Variants in XRCC5 observed in about 807,000 individuals in gnomAD.
The protein encoded by XRCC5 is X-ray repair cross complementing 5.
In XRCC5, 12 loss-of-function variants were observed where a neutral mutation model predicts 95.7. The observed-to-expected ratio is 0.13, with a 90% CI of 0.08 to 0.20. The LOEUF is 0.20. XRCC5 is among the 10% of genes least tolerant of loss of function. XRCC5 has a pLI of 1.00. For synonymous variants in XRCC5, 281 were observed against 290.3 expected (o/e 0.97, Z 0.33); for missense variants, 595 against 873.9 (o/e 0.68, Z 4.02).
At chr2:216,142,633 T>C (rs945773399) in intron 13 of XRCC5, among the ~76,000 whole-genome samples, 2 of 152,202 alleles carry the variant, frequency 1.3e-5, no homozygotes, top group Non-Finnish European at 2.9e-5. Flanking sequence ...TAAGGCAAGC[T>C]GTTGCTCACA....
intron 16 of XRCC5, among the ~76,000 whole-genome samples, chr2:216,164,048 T>C (rs1421876557): frequency 6.6e-6 from 1 of 152,212 alleles, no homozygotes; most frequent in Non-Finnish European, 1.5e-5. Flanking sequence ...ATTTCTCTCT[T>C]TAATGTATTG....
At chr2:216,148,383 G>T in intron 14 of XRCC5, 107 bp downstream of exon 14, 3 of 1,049,340 alleles carry the variant, frequency 2.9e-6, no homozygotes, top group African/African-American at 1.7e-5. Context: ...TTTAAAAGGT[G>T]AGAGGAAGAA....
At position 216,122,190 on chromosome 2, in the gene XRCC5, T is replaced by C. The variant is rs779510148; in HGVS notation, c.620T>C (p.Ile207Thr). ...ITEQQKEGLEIVKMVMISLEG... is the reference protein window; with the variant it reads ...ITEQQKEGLETVKMVMISLEG... ...GAACAGCAAAAAGAAGGTCTTGAGATAGTGAAAATGGTGATGATATCTTTA... is the reference window on the plus strand; with the variant it reads ...GAACAGCAAAAAGAAGGTCTTGAGACAGTGAAAATGGTGATGATATCTTTA... Residue 207 changes from isoleucine (I) to threonine (T), a missense_variant, in exon 6 of 21, where the codon ATA becomes ACA. By Grantham distance (89) the Ile-to-Thr change is moderately conservative. This residue lies in a region of XRCC5 where 286 missense variants were observed against 491.1 expected (regional missense o/e 0.58). Coordinates refer to ENST00000392132, the MANE Select transcript of XRCC5 (RefSeq NM_021141.4). 6.2e-7 allele frequency: 1 copy of C among 1,614,004 alleles called. No individual in the cohort carries two copies. Among genetic ancestry groups the C allele is most frequent in the East Asian group, 2.2e-5 (1 of 44,882 alleles).
At chr2:216,128,227 T>G (rs1040479380) in intron 8 of XRCC5, among the ~76,000 whole-genome samples, 4 of 152,234 alleles carry the variant, frequency 2.6e-5, no homozygotes, top group African/African-American at 7.2e-5. Context: ...AGAAACTAGC[T>G]GAGGATATCT....
chr2:216,132,327 T>G lies in XRCC5; in HGVS notation c.1053T>G (p.Val351=). The change falls in exon 10 of 21, where the codon GTT becomes GTG. Residue 351 remains valine (V), a splice_region_variant and synonymous_variant. Transcript: ENST00000392132. The part of the protein sequence containing the change: ...SVLGFCKSSQ[V]QRRFFMGNQV... ...GCAATTCTTTTCCTCTCTTGTAGGT[T>G]CAGAGAAGATTCTTCATGGGAAATC... 6.2e-7 allele frequency: 1 copy of G among 1,613,920 alleles called. No individual in the cohort carries two copies. The highest frequency in any genetic ancestry group is 8.5e-7 in the Non-Finnish European group (1 of 1,179,790).
intron 5 of XRCC5, among the ~76,000 whole-genome samples, chr2:216,121,681 G>A (rs879823921): frequency 1.3e-5 from 2 of 152,104 alleles, no homozygotes; most frequent in Non-Finnish European, 2.9e-5. Context: ...TGATTTTGGG[G>A]GACACGTGTA....
intron 16 of XRCC5, among the ~76,000 whole-genome samples, chr2:216,164,521 T>C (rs1259991957): frequency 6.6e-6 from 1 of 152,248 alleles, no homozygotes; most frequent in African/African-American, 2.4e-5. Context: ...TTGCTTTACT[T>C]GGGAAAATAA....
At chr2:216,184,074 G>GTGTGTGTGTGTGTGT (rs1559260002) in intron 16 of XRCC5, among the ~76,000 whole-genome samples, 3 of 133,384 alleles carry the variant, frequency 2.2e-5, no homozygotes, top group African/African-American at 2.9e-5. Context: ...GTGTGTGTGT[G>GTGTGTGTGTGTGTGT]ATTTAGAGAA....
intron 13 of XRCC5, among the ~76,000 whole-genome samples, chr2:216,146,231 C>T (rs930794863): frequency 6.6e-6 from 1 of 152,168 alleles, no homozygotes; most frequent in East Asian, 1.9e-4. Context: ...GGGAAGGGAG[C>T]AGGGAGAAGC....
intron 14 of XRCC5, among the ~76,000 whole-genome samples, chr2:216,155,799 G>GTGTA (rs1688830815): frequency 6.6e-6 from 1 of 152,188 alleles, no homozygotes. Context: ...CATCTAAGAT[G>GTGTA]TATCTGATAT....
chr2:216,197,191 G>A (rs1371161434), intron 19 of XRCC5, among the ~76,000 whole-genome samples: 2 of 152,198 alleles, frequency 1.3e-5, no homozygotes, highest in South Asian at 4.1e-4. Context: ...TCTTTGAAAT[G>A]TAAAGGCACT....
intron 6 of XRCC5, among the ~76,000 whole-genome samples, chr2:216,123,058 A>G (rs956072928): frequency 6.6e-6 from 1 of 152,208 alleles, no homozygotes; most frequent in Non-Finnish European, 1.5e-5. Context: ...AGTACTTTAC[A>G]TAGCAGTATG....
intron 16 of XRCC5, among the ~76,000 whole-genome samples, chr2:216,162,687 C>T (rs764320802): frequency 6.6e-5 from 10 of 152,068 alleles, no homozygotes; most frequent in South Asian, 4.2e-4. Flanking sequence ...CCATCGTGCC[C>T]GGCCACATCT....
chr2:216,192,307 A>G lies in XRCC5; in HGVS notation c.1945-332A>G, dbSNP rs190246686. ...ACATGCTCGGCCTGAGTTGATAATT[A>G]TTGAAGCTGGGTTATGAGTGTGCGA... On this transcript the variant is annotated intron_variant, in intron 17 of 20. Coordinates refer to ENST00000392132, the MANE Select transcript of XRCC5 (RefSeq NM_021141.4). Among the ~76,000 whole-genome samples the G allele has an allele frequency of 4.7e-3, 714 of 152,250 alleles. 9 individuals are homozygous for G. The highest frequency in any genetic ancestry group is 0.016 in the African/African-American group (680 of 41,552).
At chr2:216,134,655 C>T (rs942992563) in intron 10 of XRCC5, among the ~76,000 whole-genome samples, 1 of 142,166 alleles carries the variant, frequency 7.0e-6, no homozygotes, top group Non-Finnish European at 1.5e-5. Flanking sequence ...TCTTGAACTC[C>T]TGACCTCAGG....
intron 12 of XRCC5, among the ~76,000 whole-genome samples, chr2:216,139,361 G>A (rs537402160): frequency 1.1e-4 from 17 of 152,164 alleles, no homozygotes; most frequent in African/African-American, 2.7e-4. Flanking sequence ...GGTGGGAGGC[G>A]AAAGGCACTT....
At chr2:216,134,758 A>G (rs1697046499) in intron 10 of XRCC5, among the ~76,000 whole-genome samples, 1 of 151,282 alleles carries the variant, frequency 6.6e-6, no homozygotes, top group Non-Finnish European at 1.5e-5. Context: ...TAAACATCCT[A>G]ATTGGTCCTG....
At chr2:216,109,958 A>G (rs1322284248) in intron 1 of XRCC5, among the ~76,000 whole-genome samples, 1 of 152,252 alleles carries the variant, frequency 6.6e-6, no homozygotes, top group East Asian at 1.9e-4. Context: ...TTAGCTTTAT[A>G]ATAACGTAGT....
chr2:216,170,607 C>T (rs1045468160), intron 16 of XRCC5, among the ~76,000 whole-genome samples: 2 of 152,180 alleles, frequency 1.3e-5, no homozygotes, highest in South Asian at 2.1e-4. Context: ...CCAGGCTCCT[C>T]CTCTAATTTG....
Sources: gnomAD v4.1 joint callset for allele counts (sites outside exome capture counted in the v4.1 genomes callset) on GRCh38, gnomAD v4.1.1 for gene constraint, gnomAD v4.1.1 regional missense constraint, MANE v1.5 for transcripts, NCBI Gene and HGNC (gene_info 2026-07-23, HGNC 2026-07-21) for gene names.